SLC30A9: variants seen among roughly 807,000 people sequenced by gnomAD.
The protein encoded by SLC30A9 is solute carrier family 30 member 9.
Under a neutral mutation model 87.5 loss-of-function variants are expected in SLC30A9, and 58 were observed. The observed-to-expected ratio is 0.66, with a 90% CI of 0.54 to 0.82. The LOEUF (loss-of-function observed/expected upper bound fraction) is 0.82, where lower values mean the gene tolerates loss of function less well. Among genes scored for constraint, SLC30A9 ranks in the 40% least tolerant of loss-of-function variants. The pLI is 0.00. For missense variants in SLC30A9, 557 were observed against 679.1 expected (o/e 0.82, Z 2.00); for synonymous variants, 234 against 233.0 (o/e 1.00, Z -0.04).
chr4:42,066,788 T>C (rs988007203), intron 13 of SLC30A9, among the ~76,000 whole-genome samples, 167 bp downstream of exon 13: 1 of 152,186 alleles, frequency 6.6e-6, no homozygotes, highest in African/African-American at 2.4e-5. Flanking sequence ...AAATGTAGTA[T>C]AGAAATTTGA....
At chr4:42,007,320 G>GTA (rs1474642059) in intron 2 of SLC30A9, among the ~76,000 whole-genome samples, 4 of 152,196 alleles carry the variant, frequency 2.6e-5, no homozygotes, top group African/African-American at 9.6e-5. Context: ...CAGAGCTGGA[G>GTA]TATATTTTAA....
intron 9 of SLC30A9, among the ~76,000 whole-genome samples, chr4:42,050,900 G>T (rs544502696): frequency 6.6e-6 from 1 of 152,170 alleles, no homozygotes; most frequent in Non-Finnish European, 1.5e-5. Context: ...TGTTCAGGGT[G>T]TCTGAGGTGG....
chr4:42,051,869 C>G (rs1717396055), intron 9 of SLC30A9, among the ~76,000 whole-genome samples: 1 of 151,814 alleles, frequency 6.6e-6, no homozygotes, highest in African/African-American at 2.4e-5. Context: ...GCTAGTATAA[C>G]CCTGATGCCA....
intron 2 of SLC30A9, among the ~76,000 whole-genome samples, chr4:42,017,702 A>T (rs370724603): frequency 6.6e-6 from 1 of 152,108 alleles, no homozygotes; most frequent in Non-Finnish European, 1.5e-5. Context: ...TATCTCTGGT[A>T]CAGTTTTAAA....
At chr4:42,018,401 A>G in intron 3 of SLC30A9, 3 of 1,306,950 alleles carry the variant, frequency 2.3e-6, no homozygotes, top group Non-Finnish European at 3.0e-6. Flanking sequence ...CAAGAAAGGA[A>G]TAATGGCAAA....
At chr4:42,047,725 C>T (rs1255628268) in intron 8 of SLC30A9, among the ~76,000 whole-genome samples, 6 of 152,168 alleles carry the variant, frequency 3.9e-5, no homozygotes, top group Non-Finnish European at 7.4e-5. Context: ...AGTCCCATTA[C>T]TGTGTATATA....
intron 14 of SLC30A9, among the ~76,000 whole-genome samples, 180 bp downstream of exon 14, chr4:42,067,372 A>C (rs1341041701): frequency 6.6e-6 from 1 of 152,208 alleles, no homozygotes; most frequent in Admixed American, 6.5e-5. Flanking sequence ...GGTTTATTTG[A>C]ATTAAAAATG....
chr4:42,077,551 C>T (rs1197615162), intron 16 of SLC30A9, among the ~76,000 whole-genome samples: 1 of 152,052 alleles, frequency 6.6e-6, no homozygotes, highest in East Asian at 1.9e-4. Context: ...TTACAGGTGC[C>T]TGTGACCACA....
intron 3 of SLC30A9, chr4:42,018,494 A>T: frequency 8.9e-7 from 1 of 1,125,308 alleles, no homozygotes; most frequent in Non-Finnish European, 1.1e-6. Flanking sequence ...GCTACTGCTT[A>T]TTCAAATCCA....
chr4:42,000,676 A>G (rs1428385559), intron 1 of SLC30A9, among the ~76,000 whole-genome samples: 1 of 152,050 alleles, frequency 6.6e-6, no homozygotes, highest in African/African-American at 2.4e-5. Flanking sequence ...TCTCTGAGCC[A>G]TTAAGAAATG....
Position 42,046,521 on chromosome 4 carries a change from C to G in SLC30A9, c.738-2856C>G, listed in dbSNP as rs140539440. On this transcript the variant is annotated intron_variant, in intron 8 of 17. Transcript: ENST00000264451. ...ATAAAATACCTAGGAATACAACTTA[C>G]AAGGGATGTGAAGGACCTCTTCAAG... Among the ~76,000 whole-genome samples, 971 of 152,250 alleles carry G rather than the reference C, an allele frequency of 6.4e-3. 5 individuals carry two copies. Among genetic ancestry groups the G allele is most frequent in the African/African-American group, 0.013 (523 of 41,538 alleles).
In SLC30A9 at chr4:42,087,540, G is replaced by T. The variant is rs1718965224; in HGVS notation, c.*1414G>T. 6.6e-6 allele frequency: 1 copy of T among 150,646 alleles called. No individual in the cohort carries two copies. Among genetic ancestry groups the T allele is most frequent in the Non-Finnish European group, 1.5e-5 (1 of 67,792 alleles). The allele number at this position is 150,646 out of a possible 1,614,324, so 9.3% of individuals were successfully genotyped here. A position where few individuals can be genotyped will look rare whatever the true frequency, so the allele number is the denominator to read the frequency against. ...TAAAGGGTTTGTAATGGTGATTTTT[G>T]ACCCAGAAATCTCATTTACTGGAAA... On this transcript the variant is annotated 3_prime_UTR_variant, in exon 18 of 18. Transcript: ENST00000264451.
intron 2 of SLC30A9, among the ~76,000 whole-genome samples, chr4:42,002,024 T>G (rs1303134914): frequency 6.6e-6 from 1 of 152,044 alleles, no homozygotes; most frequent in Non-Finnish European, 1.5e-5. Flanking sequence ...TGGTATAAAG[T>G]GTATAATAAT....
intron 2 of SLC30A9, among the ~76,000 whole-genome samples, chr4:42,015,733 G>A (rs1560538770): frequency 1.3e-5 from 2 of 151,726 alleles, no homozygotes; most frequent in African/African-American, 2.4e-5. Context: ...TCCAAATACC[G>A]CTTCCATTTA....
chr4:41,991,901 A>C (rs571995149), intron 1 of SLC30A9, among the ~76,000 whole-genome samples: 1 of 152,344 alleles, frequency 6.6e-6, no homozygotes, highest in East Asian at 1.9e-4. Context: ...ATTTGCAATA[A>C]ATGTAAAGCT....
chr4:41,997,140 C>T (rs1035683110), intron 1 of SLC30A9, among the ~76,000 whole-genome samples: 2 of 145,834 alleles, frequency 1.4e-5, no homozygotes, highest in African/African-American at 2.5e-5. Flanking sequence ...TTGTCATCAT[C>T]TCCTATTGTT....
intron 8 of SLC30A9, among the ~76,000 whole-genome samples, chr4:42,040,310 T>C (rs1205173421): frequency 6.6e-6 from 1 of 152,174 alleles, no homozygotes; most frequent in East Asian, 1.9e-4. Flanking sequence ...GGGATGTATG[T>C]GTGAAAAGTG....
At chr4:42,007,423 A>G (rs1415538155) in intron 2 of SLC30A9, among the ~76,000 whole-genome samples, 2 of 152,172 alleles carry the variant, frequency 1.3e-5, no homozygotes, top group East Asian at 1.9e-4. Flanking sequence ...TTGGTTATCC[A>G]GTGAATCTAC....
In SLC30A9 at chr4:42,001,883, C is replaced by G. The variant is rs539789661; in HGVS notation, c.274+103C>G. The G allele has an allele frequency of 9.4e-5, 66 of 704,094 alleles. No homozygotes were observed. In the African/African-American group the frequency reaches 1.1e-3, roughly 12 times the overall value. 43.6% of individuals were successfully genotyped at this position (704,094 alleles called of 1,614,324 possible). A position where few individuals can be genotyped will look rare whatever the true frequency, so the allele number is the denominator to read the frequency against. ...TGATAGAACTTACTTATAATACTGT[C>G]TGGACTGATGTTTTCTTTGTGGGAA... On this transcript the variant is annotated intron_variant, in intron 2 of 17. Transcript: ENST00000264451.
Sources: allele counts gnomAD v4.1 joint callset (sites outside exome capture counted in the v4.1 genomes callset), GRCh38; gene constraint gnomAD v4.1.1; transcripts MANE v1.5; gene names NCBI Gene and HGNC (gene_info 2026-07-23, HGNC 2026-07-21).